The following AGPAT4 variants were observed in gnomAD, a reference collection of about 807,000 sequenced individuals.
AGPAT4 encodes 1-acyl-sn-glycerol-3-phosphate acyltransferase delta.
In AGPAT4, 15 loss-of-function variants were observed where a neutral mutation model predicts 48.0. The observed-to-expected ratio is 0.31, with a 90% CI of 0.21 to 0.48. The LOEUF (loss-of-function observed/expected upper bound fraction) is 0.48, where lower values mean the gene tolerates loss of function less well. AGPAT4 is among the 20% of genes least tolerant of loss of function. The probability of loss-of-function intolerance (pLI) is 0.99; values close to 1 mark genes in which losing one functional copy is unlikely to be tolerated. For missense variants in AGPAT4, 314 were observed against 482.5 expected (o/e 0.65, Z 3.27); for synonymous variants, 178 against 198.7 (o/e 0.90, Z 0.88).
At chr6:161,273,775 T>G (rs1783505300) in intron 1 of AGPAT4, among the ~76,000 whole-genome samples, 163 bp downstream of exon 1, 2 of 130,014 alleles carry the variant, frequency 1.5e-5, no homozygotes, top group African/African-American at 3.1e-5. Context: ...CCTGCACCTT[T>G]CCCCCGCCCG....
Position 161,158,249 on chromosome 6 carries a change from G to A in AGPAT4, c.349-3939C>T, listed in dbSNP as rs1278468468. On this transcript the variant is annotated intron_variant, in intron 3 of 8. Transcript: ENST00000320285. The surrounding 1 kb of genome is among the most constrained non-coding windows in gnomAD (Gnocchi z 5.3). ...CATACTGACAGTTCCCCCGGCAAAA[G>A]GTTCAATAGGCTATAACTATCATGG... Among the ~76,000 whole-genome samples, 1 of 152,204 alleles carries A rather than the reference G, an allele frequency of 6.6e-6. No individual in the cohort carries two copies. Among genetic ancestry groups the A allele is most frequent in the East Asian group, 1.9e-4 (1 of 5,204 alleles).
At position 161,164,088 on chromosome 6, in the gene AGPAT4, G is replaced by A. The variant is rs980565084; in HGVS notation, c.348+2160C>T. Reference sequence around the variant, plus strand: ...GGGCGTGCTGTTGACTTGCTTTCCCGCCATCAGCGCTCCCGCCCTTATGCT... The same window carrying A: ...GGGCGTGCTGTTGACTTGCTTTCCCACCATCAGCGCTCCCGCCCTTATGCT... On this transcript the variant is annotated intron_variant, in intron 3 of 8. Coordinates refer to ENST00000320285, the MANE Select transcript of AGPAT4 (RefSeq NM_020133.3). The surrounding 1 kb of genome is among the most constrained non-coding windows in gnomAD (Gnocchi z 7.4). Among the ~76,000 whole-genome samples the A allele has an allele frequency of 2.0e-5, 3 of 152,192 alleles. No homozygotes were observed. The highest frequency in any genetic ancestry group is 1.9e-4 in the East Asian group (1 of 5,194).
At chr6:161,188,675 G>A (rs1236031979) in intron 2 of AGPAT4, among the ~76,000 whole-genome samples, 1 of 152,108 alleles carries the variant, frequency 6.6e-6, no homozygotes, top group Non-Finnish European at 1.5e-5. Flanking sequence ...ATTTTTATTT[G>A]TTAAATCTGG....
intron 2 of AGPAT4, among the ~76,000 whole-genome samples, chr6:161,187,855 A>G (rs1168918040): frequency 6.6e-6 from 1 of 152,066 alleles, no homozygotes; most frequent in Non-Finnish European, 1.5e-5. Context: ...AACTTTTTTT[A>G]TTTTAAAAGC....
chr6:161,219,957 G>A lies in AGPAT4; in HGVS notation c.178+12079C>T, dbSNP rs555706314. Among the ~76,000 whole-genome samples, 1 of 152,086 alleles carries A rather than the reference G, an allele frequency of 6.6e-6. No homozygotes were observed. Among genetic ancestry groups the A allele is most frequent in the Admixed American group, 6.6e-5 (1 of 15,250 alleles). Reference sequence around the variant, plus strand: ...AGGCAGGCAGGCAGGCAGACAGACAGACAGACAGACAGGCAGGCAGATAGA... The same window carrying A: ...AGGCAGGCAGGCAGGCAGACAGACAAACAGACAGACAGGCAGGCAGATAGA... On this transcript the variant is annotated intron_variant, in intron 2 of 8. Transcript: ENST00000320285. This position sits in a 1 kb window ranked among gnomAD's most constrained non-coding sequence, Gnocchi z 4.9.
intron 1 of AGPAT4, among the ~76,000 whole-genome samples, chr6:161,248,728 T>A (rs1388338055): frequency 6.6e-6 from 1 of 152,126 alleles, no homozygotes; most frequent in Non-Finnish European, 1.5e-5. Context: ...TCAATATCGT[T>A]AAAGTGTGCA....
In AGPAT4 at chr6:161,158,298, T is replaced by C. The variant is rs1779818338; in HGVS notation, c.349-3988A>G. Among the ~76,000 whole-genome samples, 2 of 152,178 alleles carry C rather than the reference T, an allele frequency of 1.3e-5. No individual in the cohort carries two copies. Among genetic ancestry groups the C allele is most frequent in the African/African-American group, 4.8e-5 (2 of 41,438 alleles). ...GGCTTTCCCAGGCCACTCAGAGGCT[T>C]CCATGTGTGATGCCAACAGCTTTCA... On this transcript the variant is annotated intron_variant, in intron 3 of 8. Transcript: ENST00000320285. This position sits in a 1 kb window ranked among gnomAD's most constrained non-coding sequence, Gnocchi z 5.3.
rs894514320 is a variant in AGPAT4 at position 161,138,410 on chromosome 6, G to A, written c.1042+1012C>T. On this transcript the variant is annotated intron_variant, in intron 8 of 8. Coordinates refer to ENST00000320285, the MANE Select transcript of AGPAT4 (RefSeq NM_020133.3). The surrounding 1 kb of genome is among the most constrained non-coding windows in gnomAD (Gnocchi z 4.8). ...TTTATGTGCTGTGACCTGTTTTGGT[G>A]GTTATGATTCATTAGGTGAAAAGGC... 1.3e-5 allele frequency among the ~76,000 whole-genome samples: 2 copies of A among 152,124 alleles called. No homozygotes were observed. The highest frequency in any genetic ancestry group is 2.9e-5 in the Non-Finnish European group (2 of 68,032).
At position 161,136,626 on chromosome 6, in the gene AGPAT4, C is replaced by G; in HGVS notation, c.1051G>C (p.Gly351Arg). 6.2e-7 allele frequency: 1 copy of G among 1,614,092 alleles called. No homozygotes were observed. ...FILVFFVASV[G>R]VRWMIGVTEI... The stretch of plus-strand genomic sequence containing the variant: ...GTCACACCAATCATCCATCGAACTC[C>G]CACGGAGGCTGCAGAGACAAGGAGA... The change falls in exon 9 of 9, where the codon GGA becomes CGA. Residue 351 changes from glycine (G) to arginine (R), a missense_variant. Coordinates refer to ENST00000320285, the MANE Select transcript of AGPAT4 (RefSeq NM_020133.3).
Position 161,180,191 on chromosome 6 carries a change from C to T in AGPAT4, c.179-13774G>A, listed in dbSNP as rs534490566. On this transcript the variant is annotated intron_variant, in intron 2 of 8. Transcript: ENST00000320285. The surrounding 1 kb of genome is among the most constrained non-coding windows in gnomAD (Gnocchi z 6.4). The stretch of plus-strand genomic sequence containing the variant: ...AGCCTCCAGGCAAGCTCTTCCCTGA[C>T]GCAGGTAGAGAGGGGTCTTAGGCTC... 3.9e-5 allele frequency among the ~76,000 whole-genome samples: 6 copies of T among 152,292 alleles called. No homozygotes were observed. The highest frequency in any genetic ancestry group is 1.3e-4 in the Admixed American group (2 of 15,302).
At chr6:161,239,120 C>T (rs1447404895) in intron 1 of AGPAT4, among the ~76,000 whole-genome samples, 1 of 152,194 alleles carries the variant, frequency 6.6e-6, no homozygotes, top group African/African-American at 2.4e-5. Flanking sequence ...TCTACAGACA[C>T]AGACAGCCAG....
intron 1 of AGPAT4, among the ~76,000 whole-genome samples, chr6:161,256,157 C>G (rs747414151): frequency 2.6e-4 from 39 of 152,242 alleles, no homozygotes; most frequent in African/African-American, 8.9e-4. Flanking sequence ...AAAACAGATC[C>G]CCCTCAACTG....
rs1780033683 is a variant in AGPAT4 at position 161,164,401 on chromosome 6, T to TG, written c.348+1846dup. The stretch of plus-strand genomic sequence containing the variant: ...ATCCCCAACCCCATGAAGGTGCGGG[T>TG]GACTTGCACCCCTCGAATGAGGCCT... On this transcript the variant is annotated intron_variant, in intron 3 of 8. Coordinates refer to ENST00000320285, the MANE Select transcript of AGPAT4 (RefSeq NM_020133.3). This position sits in a 1 kb window ranked among gnomAD's most constrained non-coding sequence, Gnocchi z 7.4. Among the ~76,000 whole-genome samples the TG allele has an allele frequency of 6.6e-6, 1 of 152,122 alleles. No individual in the cohort carries two copies. The highest frequency in any genetic ancestry group is 1.5e-5 in the Non-Finnish European group (1 of 68,006).
Position 161,198,571 on chromosome 6 carries a change from C to A in AGPAT4, c.179-32154G>T, listed in dbSNP as rs896356618. 5.9e-5 allele frequency among the ~76,000 whole-genome samples: 9 copies of A among 152,214 alleles called. No homozygotes were observed. The highest frequency in any genetic ancestry group is 2.2e-4 in the African/African-American group (9 of 41,454). ...CACTACCTTTATGGTAGAATTTAGA[C>A]ACATAATTGCTCAGGCTGGGTTACA... On this transcript the variant is annotated intron_variant, in intron 2 of 8. Coordinates refer to ENST00000320285, the MANE Select transcript of AGPAT4 (RefSeq NM_020133.3). The surrounding 1 kb of genome is among the most constrained non-coding windows in gnomAD (Gnocchi z 4.3).
rs763648814 is a variant in AGPAT4 at position 161,165,632 on chromosome 6, C to T, written c.348+616G>A. 17 of 1,303,920 alleles carry T rather than the reference C, an allele frequency of 1.3e-5. No homozygotes were observed. The highest frequency in any genetic ancestry group is 8.6e-5 in the South Asian group (7 of 80,974). The allele number at this position is 1,303,920 out of a possible 1,614,324, so 80.8% of individuals were successfully genotyped here. A position where few individuals can be genotyped will look rare whatever the true frequency, so the allele number is the denominator to read the frequency against. On this transcript the variant is annotated intron_variant, in intron 3 of 8. Transcript: ENST00000320285. The surrounding 1 kb of genome is among the most constrained non-coding windows in gnomAD (Gnocchi z 5.5). Reference sequence around the variant, plus strand: ...ATGTGACACAGGCTCAACCGCTACACGCTGCAGTGTGTTGAAGACGACAAA... The same window carrying T: ...ATGTGACACAGGCTCAACCGCTACATGCTGCAGTGTGTTGAAGACGACAAA...
rs1015789331 is a variant in AGPAT4, at chr6:161,169,863, G to A, written c.179-3446C>T. Among the ~76,000 whole-genome samples, 9 of 152,158 alleles carry A rather than the reference G, an allele frequency of 5.9e-5. No individual in the cohort carries two copies. Among genetic ancestry groups the A allele is most frequent in the African/African-American group, 2.2e-4 (9 of 41,442 alleles). On this transcript the variant is annotated intron_variant, in intron 2 of 8. Transcript: ENST00000320285. This position sits in a 1 kb window ranked among gnomAD's most constrained non-coding sequence, Gnocchi z 5.0. ...CACAAGAGACACTCTTGGGAGGTTT[G>A]CAAGGTGGAAAGGAAATACCACCAT...
At position 161,159,028 on chromosome 6, in the gene AGPAT4, T is replaced by A. The variant is rs1012172784; in HGVS notation, c.349-4718A>T. Among the ~76,000 whole-genome samples the A allele has an allele frequency of 2.0e-5, 3 of 152,190 alleles. No homozygotes were observed. The highest frequency in any genetic ancestry group is 7.2e-5 in the African/African-American group (3 of 41,446). ...TCTACTAAATATATAAAATGAGGTA[T>A]CTTAAGTGGAACTTCAAAAACAGGT... On this transcript the variant is annotated intron_variant, in intron 3 of 8. Transcript: ENST00000320285. The surrounding 1 kb of genome is among the most constrained non-coding windows in gnomAD (Gnocchi z 4.1).
intron 2 of AGPAT4, among the ~76,000 whole-genome samples, chr6:161,183,996 A>G (rs1780690703): frequency 6.6e-6 from 1 of 151,990 alleles, no homozygotes; most frequent in Non-Finnish European, 1.5e-5. Context: ...GTGAGACAGG[A>G]AGTCACTGGA....
Position 161,165,462 on chromosome 6 carries a change from C to G in AGPAT4, c.348+786G>C. 5.6e-6 allele frequency: 3 copies of G among 538,430 alleles called. No homozygotes were observed. The highest frequency in any genetic ancestry group is 8.3e-6 in the Non-Finnish European group (3 of 361,498). The allele number at this position is 538,430 out of a possible 1,614,324, so 33.4% of individuals were successfully genotyped here. On this transcript the variant is annotated intron_variant, in intron 3 of 8. Coordinates refer to ENST00000320285, the MANE Select transcript of AGPAT4 (RefSeq NM_020133.3). This position sits in a 1 kb window ranked among gnomAD's most constrained non-coding sequence, Gnocchi z 5.5. The stretch of plus-strand genomic sequence containing the variant: ...TTCAGCAGCCCCCGTATCTGTTCTA[C>G]AGGGCATTGTTCCCAGGTGCAAAAC...
Sources: allele counts gnomAD v4.1 joint callset (sites outside exome capture counted in the v4.1 genomes callset), GRCh38; gene constraint gnomAD v4.1.1; non-coding constraint Gnocchi (gnomAD v3.1); transcripts MANE v1.5; gene names NCBI Gene and HGNC (gene_info 2026-07-23, HGNC 2026-07-21).